The following KANK4 variants were observed in gnomAD, a reference collection of about 807,000 sequenced individuals.
The protein encoded by KANK4 is KN motif and ankyrin repeat domains 4.
Under a neutral mutation model 80.8 loss-of-function variants are expected in KANK4, and 50 were observed. The observed-to-expected ratio is 0.62, with a 90% confidence interval of 0.49 to 0.78. KANK4 has a LOEUF of 0.78. Among genes scored for constraint, KANK4 ranks in the 30% least tolerant of loss-of-function variants. The probability of loss-of-function intolerance (pLI) is 0.00; values close to 1 mark genes in which losing one functional copy is unlikely to be tolerated. For missense variants in KANK4, 1,196 were observed against 1,240.1 expected (o/e 0.96, Z 0.53); for synonymous variants, 465 against 506.9 (o/e 0.92, Z 1.11).
At chr1:62,298,997 T>C (rs1279045358) in intron 1 of KANK4, among the ~76,000 whole-genome samples, 1 of 152,068 alleles carries the variant, frequency 6.6e-6, no homozygotes, top group Middle Eastern at 3.2e-3. Flanking sequence ...AACTTGGTCA[T>C]AGTCACAAAG....
rs544586799 is a variant in KANK4, at chr1:62,312,225, A to C, written c.-71+6881T>G. Among the ~76,000 whole-genome samples, 6 of 152,338 alleles carry C rather than the reference A, an allele frequency of 3.9e-5. No homozygotes were observed. In the South Asian group the frequency reaches 1.0e-3, roughly 26 times the overall value. ...GGCAGCAGGTATAGTAACTACTATA[A>C]ATACAAAGCCATCAGGGACATAAAT... is the stretch of plus-strand genomic sequence containing the variant. On this transcript the variant is annotated intron_variant, in intron 1 of 9. Transcript: ENST00000371153.
At chr1:62,257,075 C>G (rs993414522) in intron 7 of KANK4, among the ~76,000 whole-genome samples, 6 of 151,880 alleles carry the variant, frequency 4.0e-5, no homozygotes, top group African/African-American at 1.5e-4. Context: ...GGCTAAGGAC[C>G]CAGGATTTTA....
At chr1:62,264,081 G>C (rs1373323696) in intron 6 of KANK4, among the ~76,000 whole-genome samples, 4 of 152,336 alleles carry the variant, frequency 2.6e-5, no homozygotes, top group African/African-American at 9.6e-5. Flanking sequence ...ATGCTGGGAA[G>C]AGTCCTAGAC....
intron 1 of KANK4, among the ~76,000 whole-genome samples, chr1:62,292,342 C>T (rs960729938): frequency 7.2e-5 from 11 of 152,046 alleles, no homozygotes; most frequent in African/African-American, 2.7e-4. Flanking sequence ...CACGTGAACA[C>T]GCAGGAGGTA....
intron 1 of KANK4, among the ~76,000 whole-genome samples, chr1:62,286,457 C>G (rs1022714482): frequency 6.6e-6 from 1 of 152,350 alleles, no homozygotes; most frequent in South Asian, 2.1e-4. Flanking sequence ...AAGACTGGAT[C>G]TTGCAGAAAG....
intron 1 of KANK4, among the ~76,000 whole-genome samples, chr1:62,301,625 T>A (rs1439493343): frequency 6.6e-6 from 1 of 151,902 alleles, no homozygotes; most frequent in Admixed American, 6.6e-5. Flanking sequence ...CACTTACCAG[T>A]GTGTGTTTAG....
At position 62,315,296 on chromosome 1, in the gene KANK4, C is replaced by T. The variant is rs146055868; in HGVS notation, c.-71+3810G>A. Among the ~76,000 whole-genome samples, 611 of 152,228 alleles carry T rather than the reference C, an allele frequency of 4.0e-3. 6 individuals carry two copies. The highest frequency in any genetic ancestry group is 0.013 in the African/African-American group (554 of 41,540). ...TACAGTGTAGCACAAAGTGGTTAGC[C>T]GTCTGATCTCCAAAGACAGAGGGCT... is the stretch of plus-strand genomic sequence containing the variant. On this transcript the variant is annotated intron_variant, in intron 1 of 9. Coordinates refer to ENST00000371153, the MANE Select transcript of KANK4 (RefSeq NM_181712.5).
rs753382417 is a variant in KANK4, at chr1:62,274,532, G to A, written c.572C>T (p.Pro191Leu). 6.2e-7 allele frequency: 1 copy of A among 1,614,170 alleles called. No homozygotes were observed. The highest frequency in any genetic ancestry group is 1.1e-5 in the South Asian group (1 of 91,086). ...GACACTGCCTTCACCCTGAAGGGGA[G>A]GGAGGGCAGGAGGGGCAGGGGGCCC... ...SLGPPAPPAL[P>L]PLQGEGSVCD... The change falls in exon 3 of 10, where the codon CCT becomes CTT. Residue 191 changes from proline (P) to leucine (L), a missense_variant. Pro to Leu is a moderately conservative substitution (Grantham distance 98). This residue lies in a region of KANK4 where 1,154 missense variants were observed against 1,179.6 expected (regional missense o/e 0.98). Transcript: ENST00000371153.
chr1:62,301,214 C>T (rs1016309716), intron 1 of KANK4, among the ~76,000 whole-genome samples: 1 of 152,034 alleles, frequency 6.6e-6, no homozygotes, highest in African/African-American at 2.4e-5. Flanking sequence ...CTGCAATTAC[C>T]GAGTTCAACT....
chr1:62,272,974 A>G (rs1300451881), intron 3 of KANK4, among the ~76,000 whole-genome samples: 1 of 151,920 alleles, frequency 6.6e-6, no homozygotes, highest in Non-Finnish European at 1.5e-5. Context: ...TATTTTTAGT[A>G]GAGATGGGTT....
chr1:62,314,369 A>G (rs1470862718), intron 1 of KANK4, among the ~76,000 whole-genome samples: 1 of 152,126 alleles, frequency 6.6e-6, no homozygotes, highest in African/African-American at 2.4e-5. Context: ...TTTCCAAGGC[A>G]GAAGGGAGAG....
chr1:62,295,885 C>A (rs186035675), intron 1 of KANK4, among the ~76,000 whole-genome samples: 8 of 152,374 alleles, frequency 5.3e-5, no homozygotes, highest in African/African-American at 1.7e-4. Context: ...TGCTTGCAGC[C>A]TCTGGCTGCA....
At chr1:62,271,702 G>A in intron 3 of KANK4, 113 bp from the exon 4 acceptor site, 1 of 723,552 alleles carries the variant, frequency 1.4e-6, no homozygotes, top group Non-Finnish European at 2.5e-6. Flanking sequence ...GAGAGGTAAG[G>A]AGGGACAGGG....
intron 7 of KANK4, among the ~76,000 whole-genome samples, chr1:62,257,567 C>T (rs1557475883): frequency 6.6e-6 from 1 of 152,200 alleles, no homozygotes; most frequent in African/African-American, 2.4e-5. Flanking sequence ...CAGAGGTGCA[C>T]TCTGGCTCTA....
chr1:62,269,738 A>G (rs149446373), intron 4 of KANK4, among the ~76,000 whole-genome samples: 1 of 152,296 alleles, frequency 6.6e-6, no homozygotes, highest in East Asian at 1.9e-4. Context: ...GAAAATGAAC[A>G]TGTAAACAAA....
In KANK4 at chr1:62,263,205, G is replaced by A. The variant is rs756117039; in HGVS notation, c.2426C>T (p.Ser809Phe). The A allele has an allele frequency of 6.2e-7, 1 of 1,614,006 alleles. No homozygotes were observed. Among genetic ancestry groups the A allele is most frequent in the East Asian group, 2.2e-5 (1 of 44,868 alleles). The change falls in exon 7 of 10, where the codon TCC becomes TTC. Residue 809 changes from serine to phenylalanine, a missense_variant. Physicochemically the swap from Ser to Phe is radical, Grantham distance 155 (BLOSUM62 -2). This residue lies in a region of KANK4 where 1,154 missense variants were observed against 1,179.6 expected (regional missense o/e 0.98). Coordinates refer to ENST00000371153, the MANE Select transcript of KANK4 (RefSeq NM_181712.5). ...ASYLHEVQPH[S>F]PHFLKLLVNL... is the part of the protein sequence containing the mutation. ...GACAAGCAGTTTCAGGAAGTGTGGG[G>A]AGTGAGGCTGGACCTCGTGGAGGTA...
At chr1:62,315,700 T>C (rs1644533428) in intron 1 of KANK4, among the ~76,000 whole-genome samples, 1 of 152,180 alleles carries the variant, frequency 6.6e-6, no homozygotes, top group South Asian at 2.1e-4. Flanking sequence ...CAGTGAGCCA[T>C]GTTCATGATA....
chr1:62,266,842 C>A lies in KANK4; in HGVS notation c.2232-23G>T, dbSNP rs746644298. The A allele has an allele frequency of 2.3e-6, 3 of 1,323,114 alleles. No individual in the cohort carries two copies. The South Asian group carries it at 3.6e-5, about 16-fold the overall frequency. 82.0% of individuals were successfully genotyped at this position (1,323,114 alleles called of 1,614,324 possible). A position where few individuals can be genotyped will look rare whatever the true frequency, so the allele number is the denominator to read the frequency against. ...TATCTAAATAAAACAAACATATATA[C>A]ACATATTTATATAATCATTTTCAAG... On this transcript the variant is annotated intron_variant, in intron 5 of 9. Transcript: ENST00000371153.
intron 2 of KANK4, among the ~76,000 whole-genome samples, chr1:62,275,894 AAGG>A (rs1672301777): frequency 1.0e-5 from 1 of 95,356 alleles, no homozygotes; most frequent in African/African-American, 3.5e-5. Flanking sequence ...GGAAGGAAGG[AAGG>A]GGAAGGGGAA....
Sources: allele counts gnomAD v4.1 joint callset (sites outside exome capture counted in the v4.1 genomes callset), GRCh38; gene constraint gnomAD v4.1.1; regional missense constraint gnomAD v4.1.1; transcripts MANE v1.5; gene names NCBI Gene and HGNC (gene_info 2026-07-23, HGNC 2026-07-21).